The following PID1 variants were observed in gnomAD, a reference collection of about 807,000 sequenced individuals.
PID1 encodes PTB-containing, cubilin and LRP1-interacting protein.
Under a neutral mutation model 19.1 loss-of-function variants are expected in PID1, and 10 were observed. That is an observed-to-expected ratio of 0.52 (90% CI 0.32 to 0.89). The LOEUF is 0.89. Ranked by LOEUF, PID1 falls within the 40% of genes least tolerant of loss-of-function variation. The pLI, the probability that PID1 is intolerant of heterozygous loss-of-function variation, is 0.03. For synonymous variants in PID1, 130 were observed against 116.0 expected, an observed-to-expected ratio of 1.12 and a Z score of -0.78; for missense variants, 248 against 285.3, an observed-to-expected ratio of 0.87 and a Z score of 0.94.
intron 2 of PID1, 101 bp downstream of exon 2, chr2:229,155,717 C>T (rs1024781094): frequency 5.6e-6 from 6 of 1,070,194 alleles, no homozygotes; most frequent in Admixed American, 2.5e-5. Context: ...TTTATATTTT[C>T]ATTCTTAAAA....
In PID1 at chr2:229,113,396, T is replaced by TTA. The variant is rs201928895; in HGVS notation, c.177+42420_177+42421dup. ...AGCCCCTACTATTTTTTATATATAT[T>TTA]TATATATATATATTTATATATATAT... On this transcript the variant is annotated intron_variant, in intron 2 of 2. Transcript: ENST00000392055. 4.2e-3 allele frequency among the ~76,000 whole-genome samples: 596 copies of TTA among 142,230 alleles called. 3 individuals carry two copies. The highest frequency in any genetic ancestry group is 0.013 in the African/African-American group (477 of 37,222). The allele number at this position is 142,230 out of a possible 152,430, so 93.3% of individuals were successfully genotyped here.
At chr2:229,082,982 G>A (rs1694697542) in intron 2 of PID1, among the ~76,000 whole-genome samples, 1 of 151,824 alleles carries the variant, frequency 6.6e-6, no homozygotes, top group Non-Finnish European at 1.5e-5. Flanking sequence ...CCCATAAATT[G>A]ACGGACATAA....
chr2:229,222,949 C>T (rs1016250010), intron 1 of PID1, among the ~76,000 whole-genome samples: 3 of 151,766 alleles, frequency 2.0e-5, no homozygotes, highest in African/African-American at 7.3e-5. Context: ...TACACAGAAC[C>T]ATAATTTACC....
chr2:229,147,749 C>T (rs545305690), intron 2 of PID1, among the ~76,000 whole-genome samples: 23 of 152,108 alleles, frequency 1.5e-4, no homozygotes, highest in African/African-American at 5.5e-4. Context: ...TTGCTGATCC[C>T]CCAGGAGTTT....
intron 2 of PID1, among the ~76,000 whole-genome samples, chr2:229,045,023 C>T (rs910309641): frequency 2.6e-5 from 4 of 151,940 alleles, no homozygotes; most frequent in African/African-American, 7.3e-5. Context: ...GTACAATCTC[C>T]GTTCACTGCA....
chr2:229,045,327 GTTGA>G (rs1693853939), intron 2 of PID1, among the ~76,000 whole-genome samples: 1 of 152,204 alleles, frequency 6.6e-6, no homozygotes, highest in Middle Eastern at 3.2e-3. Context: ...AGTGATAATA[GTTGA>G]TTAATAATAA....
intron 2 of PID1, among the ~76,000 whole-genome samples, chr2:229,075,622 T>G (rs1258916135): frequency 2.0e-5 from 3 of 152,144 alleles, no homozygotes; most frequent in Non-Finnish European, 4.4e-5. Context: ...TGAGGGGGAC[T>G]AAATGCTGCT....
intron 2 of PID1, among the ~76,000 whole-genome samples, chr2:229,098,117 A>C (rs1183746341): frequency 2.0e-5 from 3 of 152,246 alleles, no homozygotes; most frequent in Non-Finnish European, 4.4e-5. Flanking sequence ...CTGCTGCAGT[A>C]GGACTTTTAT....
intron 1 of PID1, among the ~76,000 whole-genome samples, chr2:229,170,869 C>T (rs12470314): frequency 0.1 from 15,386 of 152,220 alleles, 1,008 homozygotes; most frequent in South Asian, 0.24. Context: ...TAAATGAGGA[C>T]ACAGAGCAGA....
rs967387637 is a variant in PID1 at position 229,210,430 on chromosome 2, T to A, written c.31-54466A>T. On this transcript the variant is annotated intron_variant, in intron 1 of 2. Coordinates refer to ENST00000392055, the MANE Select transcript of PID1 (RefSeq NM_001100818.2). ...GGGGAGAGTGAGGCAGGCAGCAGAA[T>A]GGCCTGAACCGGGGAGGCGGAGCTT... 6.3e-4 allele frequency among the ~76,000 whole-genome samples: 88 copies of A among 140,264 alleles called. 2 individuals are homozygous for A. Among genetic ancestry groups the A allele is most frequent in the Non-Finnish European group, 6.1e-5 (4 of 66,014 alleles). 92.0% of individuals were successfully genotyped at this position (140,264 alleles called of 152,430 possible). A position where few individuals can be genotyped will look rare whatever the true frequency, so the allele number is the denominator to read the frequency against.
intron 2 of PID1, among the ~76,000 whole-genome samples, chr2:229,043,009 A>AC (rs1693803613): frequency 6.9e-6 from 1 of 145,348 alleles, no homozygotes; most frequent in Admixed American, 6.9e-5. Flanking sequence ...AAAGGGAGAA[A>AC]TTTTTTTTTT....
intron 2 of PID1, among the ~76,000 whole-genome samples, chr2:229,091,148 C>A (rs946364753): frequency 6.6e-6 from 1 of 151,952 alleles, no homozygotes. Flanking sequence ...ATAAAATTTG[C>A]ATAATACTAT....
intron 2 of PID1, among the ~76,000 whole-genome samples, chr2:229,066,462 A>G (rs1038396369): frequency 2.0e-5 from 3 of 152,164 alleles, no homozygotes; most frequent in African/African-American, 7.2e-5. Context: ...TAAAATAGCC[A>G]ATTTTTGAAA....
chr2:229,039,111 C>A (rs376064764), intron 2 of PID1, among the ~76,000 whole-genome samples: 33 of 152,252 alleles, frequency 2.2e-4, no homozygotes, highest in Admixed American at 1.0e-3. Context: ...TATAACGCAG[C>A]GAGAAAGGAC....
chr2:229,139,039 G>GAAAGAA lies in PID1; in HGVS notation c.177+16778_177+16779insTTCTTT, dbSNP rs879704273. Among the ~76,000 whole-genome samples, 143 of 48,364 alleles carry GAAAGAA rather than the reference G, an allele frequency of 3.0e-3. 3 individuals carry two copies. Among genetic ancestry groups the GAAAGAA allele is most frequent in the African/African-American group, 9.3e-3 (125 of 13,490 alleles). The allele number at this position is 48,364 out of a possible 152,430, so 31.7% of individuals were successfully genotyped here. On this transcript the variant is annotated intron_variant, in intron 2 of 2. Transcript: ENST00000392055. ...AGAAAGAAAGAAAGAAAGAAAGAAA[G>GAAAGAA]AGAAAGAAAGAAAGAAAGAGAAAGA...
chr2:229,044,116 A>G (rs1693827503), intron 2 of PID1, among the ~76,000 whole-genome samples: 1 of 152,142 alleles, frequency 6.6e-6, no homozygotes, highest in Non-Finnish European at 1.5e-5. Context: ...CTTTATGATG[A>G]ATGTCCTTGT....
At chr2:229,157,382 A>C (rs1319980144) in intron 1 of PID1, among the ~76,000 whole-genome samples, 2 of 150,690 alleles carry the variant, frequency 1.3e-5, no homozygotes, top group Non-Finnish European at 2.9e-5. Context: ...GTGAGCCGAG[A>C]CCACACCACT....
intron 1 of PID1, among the ~76,000 whole-genome samples, chr2:229,183,000 A>C (rs1391511035): frequency 6.6e-6 from 1 of 152,158 alleles, no homozygotes; most frequent in Non-Finnish European, 1.5e-5. Context: ...ATGTTTTCCA[A>C]TGTGTTTGAT....
intron 1 of PID1, among the ~76,000 whole-genome samples, chr2:229,224,397 G>A (rs915125857): frequency 5.3e-5 from 8 of 152,268 alleles, no homozygotes. Flanking sequence ...AGGAAACACA[G>A]ACCAAACAAT....
Sources: gnomAD v4.1 joint callset for allele counts (sites outside exome capture counted in the v4.1 genomes callset) on GRCh38, gnomAD v4.1.1 for gene constraint, MANE v1.5 for transcripts, NCBI Gene and HGNC (gene_info 2026-07-23, HGNC 2026-07-21) for gene names.